Variants in NFATC1 observed in about 807,000 individuals in gnomAD.
NFATC1 encodes nuclear factor of activated T-cells, cytoplasmic 1.
A neutral mutation model predicts 76.0 loss-of-function variants in NFATC1; 22 were observed. The ratio of observed to expected loss-of-function variants is 0.29; its 90% confidence interval spans 0.21 to 0.41. The LOEUF is 0.41. Ranked by LOEUF, NFATC1 falls within the 10% of genes least tolerant of loss-of-function variation. NFATC1 has a pLI of 1.00. For synonymous variants in NFATC1, 704 were observed against 613.1 expected, an observed-to-expected ratio of 1.15 and a Z score of -2.19; for missense variants, 1,357 against 1,337.7, an observed-to-expected ratio of 1.01 and a Z score of -0.23.
At position 79,451,060 on chromosome 18, in the gene NFATC1, G is replaced by C; in HGVS notation, c.1696G>C (p.Val566Leu). 6.2e-7 allele frequency: 1 copy of C among 1,613,280 alleles called. No homozygotes were observed. Among genetic ancestry groups the C allele is most frequent in the Non-Finnish European group, 8.5e-7 (1 of 1,179,988 alleles). The change falls in exon 5 of 10, where the codon GTT becomes CTT. Residue 566 changes from valine to leucine, a missense_variant. Coordinates refer to ENST00000427363, the MANE Select transcript of NFATC1 (RefSeq NM_001278669.2). ...CACACGGGTACGGCTGGTGTTCCGC[G>C]TTCACGTCCCGCAACCCAGCGGCCG... is the stretch of plus-strand genomic sequence containing the variant. Reference protein sequence around the residue: ...KNTRVRLVFRVHVPQPSGRTL... With the variant: ...KNTRVRLVFRLHVPQPSGRTL...
chr18:79,484,857 A>C (rs371876716), intron 8 of NFATC1, among the ~76,000 whole-genome samples: 1 of 152,102 alleles, frequency 6.6e-6, no homozygotes, highest in Non-Finnish European at 1.5e-5. Flanking sequence ...CGGGGGGGGA[A>C]GAGGGCGGCT....
intron 6 of NFATC1, among the ~76,000 whole-genome samples, chr18:79,455,284 G>T (rs968426186): frequency 1.3e-5 from 2 of 152,234 alleles, no homozygotes; most frequent in African/African-American, 4.8e-5. Flanking sequence ...CAGCGATCGC[G>T]CAGCGGGCAG....
At chr18:79,514,444 G>T (rs80011023) in intron 9 of NFATC1, among the ~76,000 whole-genome samples, 1 of 151,268 alleles carries the variant, frequency 6.6e-6, no homozygotes, top group African/African-American at 2.4e-5. Flanking sequence ...GTGTGTTGGC[G>T]CTCAGGAGCT....
chr18:79,494,299 G>A (rs1243510643), intron 9 of NFATC1, among the ~76,000 whole-genome samples: 2 of 143,446 alleles, frequency 1.4e-5, no homozygotes, highest in African/African-American at 5.1e-5. Context: ...AGGCGAGAGC[G>A]GGCACACGCC....
chr18:79,447,226 C>G (rs1329304693), intron 3 of NFATC1, among the ~76,000 whole-genome samples: 1 of 152,238 alleles, frequency 6.6e-6, no homozygotes, highest in Non-Finnish European at 1.5e-5. Flanking sequence ...CCGGGCCCCT[C>G]TAGCCCCATC....
intron 6 of NFATC1, among the ~76,000 whole-genome samples, chr18:79,458,012 A>G (rs1347710808): frequency 6.6e-6 from 1 of 152,138 alleles, no homozygotes; most frequent in Non-Finnish European, 1.5e-5. Context: ...CACCCTGTGG[A>G]GATGATCGTG....
Position 79,411,103 on chromosome 18 carries a change from C to T in NFATC1, c.828C>T (p.Pro276=). Residue 276 remains proline (P), a synonymous_variant, in exon 2 of 10, where the codon CCC becomes CCT. Coordinates refer to ENST00000427363, the MANE Select transcript of NFATC1 (RefSeq NM_001278669.2). ...ACAGCCTCAACGGCCGGCAGCCGCCCTACTCACCCCACCACTCGCCCACGC... is the reference window on the plus strand; with the variant it reads ...ACAGCCTCAACGGCCGGCAGCCGCCTTACTCACCCCACCACTCGCCCACGC... ...RKYSLNGRQP[P]YSPHHSPTPS... is the part of the protein sequence containing the mutation. 6.2e-7 allele frequency: 1 copy of T among 1,612,332 alleles called. No homozygotes were observed. Among genetic ancestry groups the T allele is most frequent in the Non-Finnish European group, 8.5e-7 (1 of 1,179,732 alleles).
At chr18:79,464,829 G>T (rs908241265) in intron 7 of NFATC1, among the ~76,000 whole-genome samples, 1 of 150,190 alleles carries the variant, frequency 6.7e-6, no homozygotes, top group African/African-American at 2.5e-5. Context: ...CCTCAGCCTC[G>T]CCAGTAGCTG....
At chr18:79,401,812 G>T (rs376776242) in intron 1 of NFATC1, among the ~76,000 whole-genome samples, 3 of 152,176 alleles carry the variant, frequency 2.0e-5, no homozygotes, top group South Asian at 2.1e-4. Flanking sequence ...ACCCCCGGTC[G>T]TTCACAGCGT....
intron 1 of NFATC1, among the ~76,000 whole-genome samples, chr18:79,403,635 CCT>C (rs1568914109): frequency 6.6e-6 from 1 of 152,286 alleles, no homozygotes; most frequent in African/African-American, 2.4e-5. Context: ...TGGGCTGGAG[CCT>C]CTCTGGCAGT....
At chr18:79,490,778 G>A (rs565922417) in intron 9 of NFATC1, among the ~76,000 whole-genome samples, 18 of 152,258 alleles carry the variant, frequency 1.2e-4, no homozygotes, top group South Asian at 2.1e-4. Context: ...GAAGGGTCCC[G>A]GGTCAGGGTT....
intron 1 of NFATC1, among the ~76,000 whole-genome samples, chr18:79,404,040 A>ATT (rs1252836399): frequency 1.3e-5 from 2 of 152,174 alleles, no homozygotes; most frequent in Non-Finnish European, 2.9e-5. Flanking sequence ...AGATTGGAAT[A>ATT]TTTCAGTTCT....
At chr18:79,402,947 C>T (rs2085316964) in intron 1 of NFATC1, among the ~76,000 whole-genome samples, 1 of 152,242 alleles carries the variant, frequency 6.6e-6, no homozygotes, top group Admixed American at 6.5e-5. Flanking sequence ...AGATCAATTG[C>T]AAAGCAAGGC....
rs568591086 is a variant in NFATC1 at position 79,516,684 on chromosome 18, G to A, written c.2783-10844G>A. 2.6e-5 allele frequency among the ~76,000 whole-genome samples: 4 copies of A among 152,252 alleles called. No individual in the cohort carries two copies. In the South Asian group the frequency reaches 8.3e-4, roughly 32 times the overall value. On this transcript the variant is annotated intron_variant, in intron 9 of 9. Transcript: ENST00000427363. ...ACATTTATGGTAGACTTTCTAAGAG[G>A]TTGCTTCTTCTCAAAAAATTAAAAA...
chr18:79,401,520 G>A (rs142804084), intron 1 of NFATC1, among the ~76,000 whole-genome samples: 160 of 152,354 alleles, frequency 1.1e-3, no homozygotes, highest in Non-Finnish European at 1.4e-3. Context: ...GGGTGGGAGA[G>A]AGACCCGCCG....
chr18:79,484,854 G>T (rs996453822), intron 8 of NFATC1, among the ~76,000 whole-genome samples: 1 of 152,184 alleles, frequency 6.6e-6, no homozygotes, highest in African/African-American at 2.4e-5. Flanking sequence ...GTGCGGGGGG[G>T]GAAGAGGGCG....
At chr18:79,487,318 G>A (rs59340611) in intron 9 of NFATC1, among the ~76,000 whole-genome samples, 118 of 152,348 alleles carry the variant, frequency 7.7e-4, no homozygotes, top group African/African-American at 2.7e-3. Flanking sequence ...CTCTGCAGTC[G>A]GGGCATCGTG....
chr18:79,445,725 C>T (rs1445181616), intron 3 of NFATC1, among the ~76,000 whole-genome samples: 1 of 152,220 alleles, frequency 6.6e-6, no homozygotes, highest in African/African-American at 2.4e-5. Flanking sequence ...GACGGCTGCT[C>T]CTGTGCCCTG....
chr18:79,424,051 A>AT (rs1180042472), intron 2 of NFATC1, among the ~76,000 whole-genome samples: 1 of 152,032 alleles, frequency 6.6e-6, no homozygotes, highest in Non-Finnish European at 1.5e-5. Flanking sequence ...GCTGGGCAGG[A>AT]TTTTGTGAAA....
Sources: gnomAD v4.1 joint callset for allele counts (sites outside exome capture counted in the v4.1 genomes callset) on GRCh38, gnomAD v4.1.1 for gene constraint, MANE v1.5 for transcripts, NCBI Gene and HGNC (gene_info 2026-07-23, HGNC 2026-07-21) for gene names.